CSMD1: variants seen among roughly 807,000 people sequenced by gnomAD.
CSMD1 encodes the protein CUB and sushi domain-containing protein 1.
Under a neutral mutation model 417.5 loss-of-function variants are expected in CSMD1, and 213 were observed. The ratio of observed to expected loss-of-function variants is 0.51; its 90% CI spans 0.46 to 0.57. CSMD1 has a LOEUF of 0.57. CSMD1 is among the 20% of genes least tolerant of loss of function. The pLI is 0.00. For missense variants in CSMD1, 6,923 were observed against 4,529.7 expected (o/e 1.53, Z -15.17); for synonymous variants, 2,862 against 1,736.8 (o/e 1.65, Z -16.11).
At chr8:3,058,900 A>T (rs1254181773) in intron 49 of CSMD1, among the ~76,000 whole-genome samples, 4 of 151,904 alleles carry the variant, frequency 2.6e-5, no homozygotes, top group Non-Finnish European at 5.9e-5. Flanking sequence ...CTCCTCCTCC[A>T]TTCTGAAGGG....
intron 5 of CSMD1, among the ~76,000 whole-genome samples, chr8:3,959,405 G>A (rs946023174): frequency 6.6e-6 from 1 of 152,150 alleles, no homozygotes; most frequent in Non-Finnish European, 1.5e-5. Context: ...AGGCTGAAGT[G>A]GGAAGATCAC....
At chr8:4,554,015 G>C (rs145751938) in intron 2 of CSMD1, among the ~76,000 whole-genome samples, 18 of 152,274 alleles carry the variant, frequency 1.2e-4, no homozygotes, top group Middle Eastern at 3.4e-3. Context: ...TAGACCTTGC[G>C]ATCTAACCGC....
intron 8 of CSMD1, among the ~76,000 whole-genome samples, chr8:3,610,467 CGAG>C (rs1801836106): frequency 2.3e-5 from 1 of 44,324 alleles, no homozygotes; most frequent in South Asian, 5.7e-4. Context: ...CCCTGGAGTT[CGAG>C]ATTACAGTAC....
At chr8:3,805,929 T>C (rs1800710320) in intron 5 of CSMD1, among the ~76,000 whole-genome samples, 1 of 152,180 alleles carries the variant, frequency 6.6e-6, no homozygotes, top group African/African-American at 2.4e-5. Flanking sequence ...CAGAAAGCAC[T>C]GACACACCTG....
chr8:4,811,918 T>G (rs567879316), intron 1 of CSMD1, among the ~76,000 whole-genome samples: 3 of 152,156 alleles, frequency 2.0e-5, no homozygotes, highest in Non-Finnish European at 2.9e-5. Flanking sequence ...TTTCTCCGTA[T>G]AGAATTTTCT....
At chr8:4,356,908 G>A (rs151282722) in intron 3 of CSMD1, among the ~76,000 whole-genome samples, 96 of 152,188 alleles carry the variant, frequency 6.3e-4, no homozygotes, top group African/African-American at 2.2e-3. Context: ...CTTTAAATCT[G>A]AATAAACATA....
At chr8:3,763,763 G>A (rs1216160426) in intron 5 of CSMD1, among the ~76,000 whole-genome samples, 2 of 152,146 alleles carry the variant, frequency 1.3e-5, no homozygotes, top group Admixed American at 1.3e-4. Context: ...ATAAATGGTG[G>A]TAGGACAATG....
At chr8:4,373,969 A>G (rs1802556496) in intron 3 of CSMD1, among the ~76,000 whole-genome samples, 1 of 152,216 alleles carries the variant, frequency 6.6e-6, no homozygotes, top group Non-Finnish European at 1.5e-5. Context: ...TAGACTTGAT[A>G]TATACCATTA....
chr8:4,032,918 C>G (rs758327965), intron 3 of CSMD1, among the ~76,000 whole-genome samples: 4 of 152,106 alleles, frequency 2.6e-5, no homozygotes, highest in Non-Finnish European at 4.4e-5. Flanking sequence ...CCTCATTATA[C>G]TCTCTTCCCT....
At chr8:3,283,250 T>C (rs1033519366) in intron 26 of CSMD1, among the ~76,000 whole-genome samples, 1 of 152,026 alleles carries the variant, frequency 6.6e-6, no homozygotes, top group African/African-American at 2.4e-5. Context: ...GCGTGTTTGA[T>C]TAGCAGGTTG....
intron 7 of CSMD1, among the ~76,000 whole-genome samples, chr8:3,678,794 C>T (rs558362771): frequency 1.2e-4 from 19 of 152,224 alleles, no homozygotes; most frequent in African/African-American, 4.1e-4. Flanking sequence ...AGAGAAAGGT[C>T]GGGTTACCCA....
chr8:3,160,411 C>CT (rs1216312509), intron 38 of CSMD1, among the ~76,000 whole-genome samples: 1 of 152,232 alleles, frequency 6.6e-6, no homozygotes, highest in African/African-American at 2.4e-5. Context: ...GTGTGAGCCA[C>CT]TGCAACCGGC....
chr8:4,746,905 T>C (rs148492816), intron 1 of CSMD1, among the ~76,000 whole-genome samples: 137 of 152,316 alleles, frequency 9.0e-4, no homozygotes, highest in African/African-American at 3.1e-3. Flanking sequence ...CATAAAAGAA[T>C]TGTGGGACAC....
intron 59 of CSMD1, among the ~76,000 whole-genome samples, chr8:2,964,173 C>T: frequency 6.6e-6 from 1 of 152,226 alleles, no homozygotes; most frequent in East Asian, 1.9e-4. Context: ...CTGTAGGTAG[C>T]AGAAGGCACT....
intron 5 of CSMD1, among the ~76,000 whole-genome samples, chr8:3,826,118 G>A (rs931876928): frequency 6.6e-5 from 10 of 152,026 alleles, no homozygotes; most frequent in South Asian, 2.1e-4. Context: ...TAAACCGGCC[G>A]TCAGCAGGGA....
intron 49 of CSMD1, among the ~76,000 whole-genome samples, chr8:3,074,930 A>C (rs2129000342): frequency 6.6e-6 from 1 of 152,202 alleles, no homozygotes; most frequent in South Asian, 2.1e-4. Context: ...TCAGTGTTGG[A>C]GGTGGGGCCT....
chr8:3,274,234 G>T (rs55741603), intron 26 of CSMD1, among the ~76,000 whole-genome samples: 41,569 of 151,260 alleles, frequency 0.27, 5,918 homozygotes, highest in African/African-American at 0.34. Flanking sequence ...GTAGTTGAGC[G>T]GTTTTGAGTG....
chr8:3,286,426 A>C (rs1447937056), intron 25 of CSMD1, among the ~76,000 whole-genome samples: 5 of 152,128 alleles, frequency 3.3e-5, no homozygotes, highest in Admixed American at 6.5e-5. Context: ...TGGTTGAACT[A>C]GTTTACAGTC....
intron 5 of CSMD1, among the ~76,000 whole-genome samples, chr8:3,865,021 C>A (rs1424113357): frequency 6.6e-6 from 1 of 151,750 alleles, no homozygotes; most frequent in Non-Finnish European, 1.5e-5. Flanking sequence ...AGCTAATCTC[C>A]TAATTTGTCA....
Sources: allele counts gnomAD v4.1 joint callset (sites outside exome capture counted in the v4.1 genomes callset), GRCh38; gene constraint gnomAD v4.1.1; transcripts MANE v1.5; gene names NCBI Gene and HGNC (gene_info 2026-07-23, HGNC 2026-07-21).